The following TRIM3 variants were observed in gnomAD, a reference collection of about 807,000 sequenced individuals.
TRIM3 encodes tripartite motif-containing protein 3.
Under a neutral mutation model 66.6 loss-of-function variants are expected in TRIM3, and 13 were observed. That is an observed-to-expected ratio of 0.20 (90% CI 0.13 to 0.31). The LOEUF (loss-of-function observed/expected upper bound fraction) is 0.31, where lower values mean the gene tolerates loss of function less well. TRIM3 is among the 10% of genes least tolerant of loss of function. The pLI is 1.00. For missense variants in TRIM3, 711 were observed against 1,020.4 expected, an observed-to-expected ratio of 0.70 and a Z score of 4.13; for synonymous variants, 406 against 411.7, an observed-to-expected ratio of 0.99 and a Z score of 0.17.
At chr11:6,469,837 G>A (rs1850611546) in intron 1 of TRIM3, among the ~76,000 whole-genome samples, 2 of 152,136 alleles carry the variant, frequency 1.3e-5, no homozygotes, top group Non-Finnish European at 2.9e-5. Context: ...AGAGGTTGGA[G>A]GCCAACCTTT....
intron 2 of TRIM3, among the ~76,000 whole-genome samples, chr11:6,460,970 A>C (rs1215561215): frequency 7.5e-6 from 1 of 132,858 alleles, no homozygotes; most frequent in African/African-American, 3.1e-5. Flanking sequence ...CAGTAGCACA[A>C]TCTTGGCTCA....
At chr11:6,464,061 A>G (rs1032558325) in intron 2 of TRIM3, among the ~76,000 whole-genome samples, 1 of 152,222 alleles carries the variant, frequency 6.6e-6, no homozygotes, top group Admixed American at 6.5e-5. Context: ...CAGGCCACCC[A>G]AGACAGAACA....
chr11:6,454,805 G>A (rs77678743), intron 7 of TRIM3, among the ~76,000 whole-genome samples: 3,115 of 152,266 alleles, frequency 0.02, 43 homozygotes, highest in Non-Finnish European at 0.033. Flanking sequence ...GAGAGTAGCC[G>A]TCACTGAGGG....
chr11:6,460,897 G>GTTT (rs1850203608), intron 2 of TRIM3, among the ~76,000 whole-genome samples: 1 of 123,022 alleles, frequency 8.1e-6, no homozygotes, highest in African/African-American at 3.3e-5. Context: ...TTTTTTGGTG[G>GTTT]CTTTTTTTTT....
At chr11:6,453,486 G>C (rs1260897227) in intron 7 of TRIM3, among the ~76,000 whole-genome samples, 2 of 152,158 alleles carry the variant, frequency 1.3e-5, no homozygotes, top group Non-Finnish European at 1.5e-5. Context: ...ACAGTCTAGT[G>C]GGGGAGAAAG....
chr11:6,455,002 C>A (rs1849903875), intron 7 of TRIM3, among the ~76,000 whole-genome samples: 1 of 152,148 alleles, frequency 6.6e-6, no homozygotes, highest in Non-Finnish European at 1.5e-5. Flanking sequence ...AAATTCCACA[C>A]TCCATCTCCA....
Position 6,457,602 on chromosome 11 carries a change from C to T in TRIM3, c.515+94G>A. 2 of 1,553,894 alleles carry T rather than the reference C, an allele frequency of 1.3e-6. No individual in the cohort carries two copies. The highest frequency in any genetic ancestry group is 1.2e-5 in the South Asian group (1 of 82,994). The stretch of plus-strand genomic sequence containing the variant: ...CCTGAGACCTCCCTGAGACTTCCAT[C>T]TCTGCCCTTCCCAGACCCTTTATTC... On this transcript the variant is annotated intron_variant, in intron 4 of 11. Coordinates refer to ENST00000345851, the MANE Select transcript of TRIM3 (RefSeq NM_033278.4). The surrounding 1 kb of genome is among the most constrained non-coding windows in gnomAD (Gnocchi z 4.5).
At chr11:6,467,702 C>T (rs1850522859) in intron 1 of TRIM3, among the ~76,000 whole-genome samples, 1 of 152,018 alleles carries the variant, frequency 6.6e-6, no homozygotes, top group Admixed American at 6.5e-5. Flanking sequence ...GAGGTCGAGG[C>T]TGCAGTGAGC....
At chr11:6,453,772 A>G (rs751600250) in intron 7 of TRIM3, among the ~76,000 whole-genome samples, 7 of 152,232 alleles carry the variant, frequency 4.6e-5, no homozygotes, top group Non-Finnish European at 8.8e-5. Context: ...GGTTCCACTC[A>G]GTGAGGTCTG....
intron 1 of TRIM3, among the ~76,000 whole-genome samples, chr11:6,468,647 G>A (rs556905829): frequency 6.6e-6 from 1 of 152,326 alleles, no homozygotes; most frequent in East Asian, 1.9e-4. Flanking sequence ...GGCTGTGGTG[G>A]GGTGGCAGGG....
chr11:6,464,941 C>T (rs55664515), intron 2 of TRIM3, among the ~76,000 whole-genome samples: 27,378 of 137,218 alleles, frequency 0.2, 2,760 homozygotes, highest in Middle Eastern at 0.27. Flanking sequence ...GAGCCGAGAT[C>T]GTGCCACTAC....
At position 6,448,837 on chromosome 11, in the gene TRIM3, T is replaced by C; in HGVS notation, c.*191A>G. On this transcript the variant is annotated 3_prime_UTR_variant, in exon 12 of 12. Coordinates refer to ENST00000345851, the MANE Select transcript of TRIM3 (RefSeq NM_033278.4). ...GGGACCACAGTCCAGGCTCACCCAGTCACCAAAGCAAGAACCGAATAAATA... is the reference window on the plus strand; with the variant it reads ...GGGACCACAGTCCAGGCTCACCCAGCCACCAAAGCAAGAACCGAATAAATA... 1.5e-6 allele frequency: 1 copy of C among 675,830 alleles called. No individual in the cohort carries two copies. The highest frequency in any genetic ancestry group is 2.5e-6 in the Non-Finnish European group (1 of 393,606). 41.9% of individuals were successfully genotyped at this position (675,830 alleles called of 1,614,324 possible). A position where few individuals can be genotyped will look rare whatever the true frequency, so the allele number is the denominator to read the frequency against.
chr11:6,463,062 G>A (rs755683197), intron 2 of TRIM3, among the ~76,000 whole-genome samples: 59 of 151,872 alleles, frequency 3.9e-4, no homozygotes, highest in East Asian at 1.9e-4. Flanking sequence ...AAAATTAACC[G>A]GATGTGGTGG....
In TRIM3 at chr11:6,456,607, G is replaced by A. The variant is rs1203416953; in HGVS notation, c.1119C>T (p.Arg373=). Residue 373 remains arginine, a synonymous_variant, in exon 6 of 12, where the codon CGC becomes CGT. Transcript: ENST00000345851. The surrounding 1 kb of genome is among the most constrained non-coding windows in gnomAD (Gnocchi z 6.4). ...TGTGGTCCACCACTGGCACCGGAAG[G>A]CGCGTGCCGTCCGGGCCGGTGATCT... ...RAEITGPDGT[R]LPVPVVDHKN... 6.2e-6 allele frequency: 10 copies of A among 1,612,782 alleles called. No individual in the cohort carries two copies. Among genetic ancestry groups the A allele is most frequent in the Non-Finnish European group, 8.5e-6 (10 of 1,179,860 alleles).
intron 2 of TRIM3, among the ~76,000 whole-genome samples, chr11:6,460,845 C>T (rs1836500469): frequency 6.6e-6 from 1 of 150,848 alleles, no homozygotes; most frequent in South Asian, 2.1e-4. Context: ...CTAAGTGCTT[C>T]ACAAGTATTA....
intron 1 of TRIM3, among the ~76,000 whole-genome samples, chr11:6,471,775 G>A (rs551481803): frequency 6.6e-6 from 1 of 152,306 alleles, no homozygotes; most frequent in African/African-American, 2.4e-5. Context: ...GGCTTCCAGA[G>A]GAAGGGGTAT....
chr11:6,459,728 G>A (rs1233767385), intron 2 of TRIM3, among the ~76,000 whole-genome samples: 2 of 152,296 alleles, frequency 1.3e-5, no homozygotes, highest in Admixed American at 6.5e-5. Flanking sequence ...GGTGGGAGGT[G>A]TTGTCTGATT....
intron 1 of TRIM3, among the ~76,000 whole-genome samples, chr11:6,466,951 T>G (rs1355411462): frequency 1.3e-5 from 2 of 152,202 alleles, no homozygotes; most frequent in Non-Finnish European, 2.9e-5. Context: ...TTATTTTATG[T>G]TTTCATTCTT....
At position 6,457,044 on chromosome 11, in the gene TRIM3, G is replaced by C. The variant is rs1850026093; in HGVS notation, c.697-15C>G. 1.3e-6 allele frequency: 2 copies of C among 1,576,754 alleles called. No homozygotes were observed. Among genetic ancestry groups the C allele is most frequent in the Non-Finnish European group, 1.7e-6 (2 of 1,161,664 alleles). ...CTTTGCAACACCTGATGAGGGGTAG[G>C]GGAGGAGTGGGTGAGCAGACTGGCA... On this transcript the variant is annotated splice_polypyrimidine_tract_variant and intron_variant, in intron 5 of 11. Transcript: ENST00000345851. This position sits in a 1 kb window ranked among gnomAD's most constrained non-coding sequence, Gnocchi z 4.5.
Sources: gnomAD v4.1 joint callset for allele counts (sites outside exome capture counted in the v4.1 genomes callset) on GRCh38, gnomAD v4.1.1 for gene constraint, Gnocchi (gnomAD v3.1) non-coding constraint, MANE v1.5 for transcripts, NCBI Gene and HGNC (gene_info 2026-07-23, HGNC 2026-07-21) for gene names.